C8orf34: variants seen among roughly 807,000 people sequenced by gnomAD.
The protein encoded by C8orf34 is uncharacterized protein C8orf34.
In C8orf34, 65 loss-of-function variants were observed where a neutral mutation model predicts 68.3. The ratio of observed to expected loss-of-function variants is 0.95; its 90% CI spans 0.78 to 1.17. C8orf34 has a LOEUF of 1.17. C8orf34 is among the 50% of genes most tolerant of loss of function. The pLI is 0.00. For synonymous variants in C8orf34, 244 were observed against 241.2 expected, an observed-to-expected ratio of 1.01 and a Z score of -0.11; for missense variants, 664 against 655.4, an observed-to-expected ratio of 1.01 and a Z score of -0.14.
chr8:68,417,829 A>G (rs1164395409), intron 1 of C8orf34, among the ~76,000 whole-genome samples: 3 of 152,156 alleles, frequency 2.0e-5, no homozygotes, highest in Middle Eastern at 3.4e-3. Flanking sequence ...AATTCTGTGA[A>G]GAAAGTCATT....
At chr8:68,597,696 A>G (rs185133023) in intron 7 of C8orf34, among the ~76,000 whole-genome samples, 8 of 152,160 alleles carry the variant, frequency 5.3e-5, no homozygotes, top group Admixed American at 2.0e-4. Context: ...GAAAATTGAT[A>G]CTGTAAGAGA....
chr8:68,534,357 A>G, intron 7 of C8orf34: 1 of 981,632 alleles, frequency 1.0e-6, no homozygotes, highest in South Asian at 4.7e-5. Context: ...TCATTCAACA[A>G]ACATTTACTG....
intron 7 of C8orf34, among the ~76,000 whole-genome samples, chr8:68,601,587 GACT>G: frequency 6.6e-6 from 1 of 152,052 alleles, no homozygotes; most frequent in East Asian, 1.9e-4. Context: ...AGTCTCTTTT[GACT>G]ACTATTTCTC....
At chr8:68,806,393 C>T (rs576674841) in intron 12 of C8orf34, among the ~76,000 whole-genome samples, 53 of 151,912 alleles carry the variant, frequency 3.5e-4, no homozygotes, top group Non-Finnish European at 6.6e-4. Context: ...CTCAATTTCT[C>T]CTTTTAAAGG....
intron 1 of C8orf34, among the ~76,000 whole-genome samples, chr8:68,396,767 G>A (rs1045223382): frequency 2.5e-5 from 3 of 121,366 alleles, no homozygotes; most frequent in Non-Finnish European, 4.8e-5. Context: ...TCTCTCTCTC[G>A]CTTCCTCTCC....
chr8:68,652,707 A>C (rs962435932), intron 8 of C8orf34, among the ~76,000 whole-genome samples: 1 of 151,970 alleles, frequency 6.6e-6, no homozygotes, highest in African/African-American at 2.4e-5. Context: ...CCTTTTTTGA[A>C]ATCAGGTTTA....
At chr8:68,813,485 A>G (rs1383584130) in intron 12 of C8orf34, among the ~76,000 whole-genome samples, 1 of 151,984 alleles carries the variant, frequency 6.6e-6, no homozygotes, top group African/African-American at 2.4e-5. Flanking sequence ...TCTTTGCACC[A>G]TGCTCTATGG....
chr8:68,802,885 A>G (rs1824373261), intron 12 of C8orf34, among the ~76,000 whole-genome samples: 1 of 152,224 alleles, frequency 6.6e-6, no homozygotes, highest in South Asian at 2.1e-4. Context: ...CATATTTTCA[A>G]AGTTTGTTAG....
At chr8:68,461,155 A>C (rs546776903) in intron 3 of C8orf34, among the ~76,000 whole-genome samples, 1 of 152,272 alleles carries the variant, frequency 6.6e-6, no homozygotes, top group Non-Finnish European at 1.5e-5. Context: ...CAGAAGCCTC[A>C]GGAGCCAATG....
intron 7 of C8orf34, among the ~76,000 whole-genome samples, chr8:68,612,750 A>AGT (rs1387437742): frequency 6.6e-6 from 1 of 152,154 alleles, no homozygotes; most frequent in East Asian, 1.9e-4. Flanking sequence ...TTATTATGTT[A>AGT]GTCCTTTCCT....
chr8:68,637,054 T>C (rs1001517123), intron 7 of C8orf34, among the ~76,000 whole-genome samples: 1 of 152,210 alleles, frequency 6.6e-6, no homozygotes, highest in Non-Finnish European at 1.5e-5. Context: ...TAGACTTTTC[T>C]ACCTTACCTG....
intron 4 of C8orf34, among the ~76,000 whole-genome samples, chr8:68,473,734 A>G (rs1200857627): frequency 1.3e-5 from 2 of 152,118 alleles, no homozygotes; most frequent in Admixed American, 6.5e-5. Flanking sequence ...CTACTTGCTC[A>G]TCTTCTTTCT....
intron 7 of C8orf34, among the ~76,000 whole-genome samples, chr8:68,634,943 A>G (rs1035988746): frequency 1.3e-5 from 2 of 152,190 alleles, no homozygotes; most frequent in Non-Finnish European, 2.9e-5. Flanking sequence ...AGCACTCTGA[A>G]GTCTCCAGTG....
intron 8 of C8orf34, among the ~76,000 whole-genome samples, chr8:68,655,257 G>A (rs1268817554): frequency 6.6e-6 from 1 of 152,036 alleles, no homozygotes; most frequent in Non-Finnish European, 1.5e-5. Flanking sequence ...CACATTCTCA[G>A]TATTACATTC....
chr8:68,478,071 C>T (rs944166487), intron 4 of C8orf34, among the ~76,000 whole-genome samples: 4 of 152,188 alleles, frequency 2.6e-5, no homozygotes, highest in Admixed American at 6.5e-5. Context: ...CATTCAGCTC[C>T]TTGTTACTTA....
chr8:68,814,819 C>A (rs1346510772), intron 12 of C8orf34, among the ~76,000 whole-genome samples: 3 of 152,166 alleles, frequency 2.0e-5, no homozygotes. Flanking sequence ...TGAAGTAGCA[C>A]TTAACCAATG....
intron 4 of C8orf34, 38 bp downstream of exon 4, chr8:68,468,858 C>A: frequency 1.9e-6 from 3 of 1,590,356 alleles, no homozygotes; most frequent in Non-Finnish European, 2.6e-6. Flanking sequence ...AAACTCCTAA[C>A]CAATATTAAA....
chr8:68,640,537 A>T lies in C8orf34; in HGVS notation c.1241+26A>T, dbSNP rs377150915. On this transcript the variant is annotated intron_variant, in intron 8 of 13. Coordinates refer to ENST00000518698, the MANE Select transcript of C8orf34 (RefSeq NM_052958.4). ...GTAAAAGACATAATAGGTATAGTATATATAAACATGATCTTGATTTTTAAA... is the reference window on the plus strand; with the variant it reads ...GTAAAAGACATAATAGGTATAGTATTTATAAACATGATCTTGATTTTTAAA... 4 of 1,584,686 alleles carry T rather than the reference A, an allele frequency of 2.5e-6. No homozygotes were observed. In the African/African-American group the frequency reaches 5.4e-5, roughly 22 times the overall value.
chr8:68,744,230 C>G (rs1297444627), intron 10 of C8orf34, among the ~76,000 whole-genome samples: 1 of 151,098 alleles, frequency 6.6e-6, no homozygotes, highest in South Asian at 2.1e-4. Context: ...AAAAACCCAT[C>G]TGTACATCAC....
Sources: gnomAD v4.1 joint callset for allele counts (sites outside exome capture counted in the v4.1 genomes callset) on GRCh38, gnomAD v4.1.1 for gene constraint, MANE v1.5 for transcripts, NCBI Gene and HGNC (gene_info 2026-07-23, HGNC 2026-07-21) for gene names.